NBL1: variants seen among roughly 807,000 people sequenced by gnomAD.
NBL1 encodes the protein NBL1, DAN family BMP antagonist.
NBL1 carries 9 observed loss-of-function variants against 16.0 expected under a neutral mutation model. The observed-to-expected ratio is 0.56, with a 90% CI of 0.34 to 0.98. The LOEUF is 0.98. Ranked by LOEUF, NBL1 falls within the 50% of genes least tolerant of loss-of-function variation. The probability of loss-of-function intolerance (pLI) is 0.02; values close to 1 mark genes in which losing one functional copy is unlikely to be tolerated. For synonymous variants in NBL1, 86 were observed against 100.7 expected, an observed-to-expected ratio of 0.85 and a Z score of 0.87; for missense variants, 196 against 243.1, an observed-to-expected ratio of 0.81 and a Z score of 1.29.
Position 19,658,300 on chromosome 1 carries a change from T to C in NBL1, c.*1171T>C, listed in dbSNP as rs889333891. 6.5e-6 allele frequency: 1 copy of C among 152,736 alleles called. No individual in the cohort carries two copies. The highest frequency in any genetic ancestry group is 2.4e-5 in the African/African-American group (1 of 41,452). 9.5% of individuals were successfully genotyped at this position (152,736 alleles called of 1,614,324 possible). A position where few individuals can be genotyped will look rare whatever the true frequency, so the allele number is the denominator to read the frequency against. ...TGCCCAGCACTGTCTGCGTCTGCTC[T>C]TCTGTGCCCAGGGTGGCTGCCAGCC... On this transcript the variant is annotated 3_prime_UTR_variant, in exon 4 of 4. Transcript: ENST00000375136.
intron 1 of NBL1, among the ~76,000 whole-genome samples, chr1:19,649,680 A>G (rs2095011101): frequency 6.6e-6 from 1 of 150,960 alleles, no homozygotes; most frequent in Non-Finnish European, 1.5e-5. Flanking sequence ...ATAATACTGT[A>G]TTTTTACTAC....
intron 1 of NBL1, among the ~76,000 whole-genome samples, chr1:19,653,750 G>A (rs2095040548): frequency 6.6e-6 from 1 of 152,244 alleles, no homozygotes; most frequent in African/African-American, 2.4e-5. Context: ...AGAAGGCACT[G>A]CCCTCATCTC....
upstream of NBL1, chr1:19,643,416 A>T: frequency 6.2e-7 from 1 of 1,613,050 alleles, no homozygotes; most frequent in Non-Finnish European, 8.5e-7. The surrounding 1 kb of genome is among the most constrained non-coding windows in gnomAD (Gnocchi z 4.7). Context: ...GCTGTAAAGC[A>T]AAATCCCCAA....
In NBL1 at chr1:19,655,051, G is replaced by T; in HGVS notation, c.21G>T (p.Val7=). ...CGGGCATGATGCTTCGGGTCCTGGT[G>T]GGGGCTGTCCTCCCTGCCATGCTAC... is the stretch of plus-strand genomic sequence containing the variant. MMLRVL[V]GAVLPAMLLA... Residue 7 remains valine, a synonymous_variant, in exon 2 of 4, where the codon GTG becomes GTT. Coordinates refer to ENST00000375136, the MANE Select transcript of NBL1 (RefSeq NM_005380.8). 2 of 1,611,104 alleles carry T rather than the reference G, an allele frequency of 1.2e-6. No homozygotes were observed. Among genetic ancestry groups the T allele is most frequent in the Non-Finnish European group, 1.7e-6 (2 of 1,179,404 alleles).
rs992363445 is a variant in NBL1 at position 19,644,541 on chromosome 1, C to G, written c.-20+95C>G. The stretch of plus-strand genomic sequence containing the variant: ...GCCCCCAGCCCGGAGCTGCGTCCCC[C>G]GGCGCGTCCGGCGGCCGCGGGCACC... On this transcript the variant is annotated intron_variant, in intron 1 of 3. Transcript: ENST00000375136. This position sits in a 1 kb window ranked among gnomAD's most constrained non-coding sequence, Gnocchi z 4.6. The G allele has an allele frequency of 8.3e-6, 6 of 720,416 alleles. No homozygotes were observed. In the South Asian group the frequency reaches 2.5e-4, roughly 30 times the overall value. 44.6% of individuals were successfully genotyped at this position (720,416 alleles called of 1,614,324 possible).
intron 1 of NBL1, among the ~76,000 whole-genome samples, chr1:19,653,820 C>T (rs2095041015): frequency 6.6e-6 from 1 of 152,348 alleles, no homozygotes; most frequent in East Asian, 1.9e-4. Flanking sequence ...TTACCTGGGG[C>T]GAGTCTCCTG....
At chr1:19,647,816 G>A (rs1337652458) in intron 1 of NBL1, 1 of 328,812 alleles carries the variant, frequency 3.0e-6, no homozygotes, top group Non-Finnish European at 4.4e-6. Flanking sequence ...GCTCTGCACC[G>A]AGTGGTTGCT....
chr1:19,646,853 TC>T lies in NBL1; in HGVS notation c.-20+2410del, dbSNP rs143270944. Among the ~76,000 whole-genome samples the T allele has an allele frequency of 1.5e-3, 224 of 152,306 alleles. 1 individual carries two copies. The East Asian group carries it at 0.026, about 18-fold the overall frequency. On this transcript the variant is annotated intron_variant, in intron 1 of 3. Transcript: ENST00000375136. ...TTCTAAAATCCATTCCCAGCTGTCA[TC>T]CCACTTGCTGGAGTTTCACCTCAAG...
chr1:19,657,370 T>TGC lies in NBL1; in HGVS notation c.*242_*243insCG, dbSNP rs1553315021. 1.0e-4 allele frequency: 15 copies of TGC among 144,246 alleles called. No individual in the cohort carries two copies. The Middle Eastern group carries it at 8.9e-3, about 86-fold the overall frequency. The allele number at this position is 144,246 out of a possible 1,614,324, so 8.9% of individuals were successfully genotyped here. ...GCAGAGGTCTTCAGGGCTCTTTTTT[T>TGC]GGGGGGGGTGGTCTCTTCCTGTCTG... On this transcript the variant is annotated 3_prime_UTR_variant, in exon 4 of 4. Transcript: ENST00000375136.
chr1:19,646,362 A>G (rs983684563), intron 1 of NBL1, among the ~76,000 whole-genome samples: 4 of 152,196 alleles, frequency 2.6e-5, no homozygotes, highest in African/African-American at 4.8e-5. Flanking sequence ...GGCTCGAGCT[A>G]TAACCATTAG....
At position 19,654,303 on chromosome 1, in the gene NBL1, G is replaced by A. The variant is rs150672442; in HGVS notation, c.-19-709G>A. Among the ~76,000 whole-genome samples, 394 of 152,348 alleles carry A rather than the reference G, an allele frequency of 2.6e-3. 3 individuals are homozygous for A. The highest frequency in any genetic ancestry group is 9.2e-3 in the African/African-American group (381 of 41,586). ...TGTAGTCCCAGCAACTCGGGAGGCT[G>A]AGGTGGGAGGATCACCTGAGCCCAG... On this transcript the variant is annotated intron_variant, in intron 1 of 3. Coordinates refer to ENST00000375136, the MANE Select transcript of NBL1 (RefSeq NM_005380.8).
chr1:19,657,371 G>GT lies in NBL1; in HGVS notation c.*242_*243insT, dbSNP rs1553315031. On this transcript the variant is annotated 3_prime_UTR_variant, in exon 4 of 4. Coordinates refer to ENST00000375136, the MANE Select transcript of NBL1 (RefSeq NM_005380.8). Reference sequence around the variant, plus strand: ...CAGAGGTCTTCAGGGCTCTTTTTTTGGGGGGGGTGGTCTCTTCCTGTCTGG... The same window carrying GT: ...CAGAGGTCTTCAGGGCTCTTTTTTTGTGGGGGGGTGGTCTCTTCCTGTCTGG... 3.2e-5 allele frequency: 4 copies of GT among 126,974 alleles called. No individual in the cohort carries two copies. The African/African-American group carries it at 5.5e-4, about 17-fold the overall frequency. 7.9% of individuals were successfully genotyped at this position (126,974 alleles called of 1,614,324 possible).
At chr1:19,646,962 C>T (rs775668634) in intron 1 of NBL1, among the ~76,000 whole-genome samples, 1 of 152,104 alleles carries the variant, frequency 6.6e-6, no homozygotes, top group African/African-American at 2.4e-5. Context: ...CCTGTGGGAG[C>T]GAGGGGCAGA....
upstream of NBL1, chr1:19,643,909 A>C (rs2094961545): frequency 1.0e-6 from 1 of 987,238 alleles, no homozygotes; most frequent in Non-Finnish European, 1.2e-6. The surrounding 1 kb of genome is among the most constrained non-coding windows in gnomAD (Gnocchi z 4.7). Context: ...GGACACATCC[A>C]TCTTTGTCAC....
chr1:19,649,347 AATTATT>A (rs36030380), intron 1 of NBL1, among the ~76,000 whole-genome samples: 3 of 148,594 alleles, frequency 2.0e-5, no homozygotes, highest in Non-Finnish European at 3.0e-5. Context: ...GCTGCCATAA[AATTATT>A]ATTATTATTA....
At chr1:19,644,231 C>T (rs2094963550), upstream of NBL1, 7 of 976,520 alleles carry the variant, frequency 7.2e-6, no homozygotes, top group Non-Finnish European at 7.3e-6. This position sits in a 1 kb window ranked among gnomAD's most constrained non-coding sequence, Gnocchi z 4.6. Context: ...CTCCCCGCTG[C>T]CCCCGCCCTC....
chr1:19,647,761 A>G, intron 1 of NBL1: 1 of 727,918 alleles, frequency 1.4e-6, no homozygotes, highest in South Asian at 6.2e-5. Context: ...GGGGAGGGAG[A>G]GCCCTGCCCT....
rs1235433325 is a variant in NBL1, at chr1:19,644,775, G to A, written c.-20+329G>A. Among the ~76,000 whole-genome samples the A allele has an allele frequency of 6.6e-6, 1 of 151,706 alleles. No individual in the cohort carries two copies. Among genetic ancestry groups the A allele is most frequent in the Non-Finnish European group, 1.5e-5 (1 of 67,848 alleles). On this transcript the variant is annotated intron_variant, in intron 1 of 3. Transcript: ENST00000375136. The surrounding 1 kb of genome is among the most constrained non-coding windows in gnomAD (Gnocchi z 4.6). Reference sequence around the variant, plus strand: ...AGGGAGCGAGGGAGGGAGATGCGTGGCCGGGCGGGCCGGGCTCGCATGTCC... The same window carrying A: ...AGGGAGCGAGGGAGGGAGATGCGTGACCGGGCGGGCCGGGCTCGCATGTCC...
At position 19,655,230 on chromosome 1, in the gene NBL1, C is replaced by T. The variant is rs900076528; in HGVS notation, c.170+30C>T. The T allele has an allele frequency of 3.4e-5, 54 of 1,602,820 alleles. 1 individual carries two copies. Among genetic ancestry groups the T allele is most frequent in the South Asian group, 2.9e-4 (26 of 89,826 alleles). ...GACCCAAGGGGTGGGTGGGGGGATGCGGACAGGGGTCCAAGGAGGGAGGAA... is the reference window on the plus strand; with the variant it reads ...GACCCAAGGGGTGGGTGGGGGGATGTGGACAGGGGTCCAAGGAGGGAGGAA... On this transcript the variant is annotated intron_variant, in intron 2 of 3. Transcript: ENST00000375136.
Sources: allele counts gnomAD v4.1 joint callset (sites outside exome capture counted in the v4.1 genomes callset), GRCh38; gene constraint gnomAD v4.1.1; non-coding constraint Gnocchi (gnomAD v3.1); transcripts MANE v1.5; gene names NCBI Gene and HGNC (gene_info 2026-07-23, HGNC 2026-07-21).